Variants in MICU2 observed in about 807,000 individuals in gnomAD.
The protein encoded by MICU2 is mitochondrial calcium uptake 2.
MICU2 carries 64 observed loss-of-function variants against 60.4 expected under a neutral mutation model. The ratio of observed to expected loss-of-function variants is 1.06; its 90% CI spans 0.87 to 1.31. The LOEUF (loss-of-function observed/expected upper bound fraction) is 1.31. MICU2 is among the 50% of genes most tolerant of loss of function. The pLI, the probability that MICU2 is intolerant of heterozygous loss-of-function variation, is 0.00. For synonymous variants in MICU2, 201 were observed against 175.0 expected (o/e 1.15, Z -1.17); for missense variants, 569 against 531.0 (o/e 1.07, Z -0.70).
chr13:21,591,777 G>A (rs1888588757), intron 1 of MICU2, among the ~76,000 whole-genome samples: 1 of 151,894 alleles, frequency 6.6e-6, no homozygotes, highest in African/African-American at 2.4e-5. Context: ...ATGACTCCTG[G>A]GTAAATAAAG....
chr13:21,593,584 A>AC (rs1169793845), intron 1 of MICU2, among the ~76,000 whole-genome samples: 7 of 149,934 alleles, frequency 4.7e-5, no homozygotes, highest in East Asian at 3.9e-4. Flanking sequence ...AAAAAAAAAA[A>AC]AAAAAAAAAA....
intron 1 of MICU2, among the ~76,000 whole-genome samples, chr13:21,592,862 T>C (rs954092205): frequency 2.6e-5 from 4 of 152,210 alleles, no homozygotes; most frequent in African/African-American, 9.7e-5. Flanking sequence ...TGATGGAACA[T>C]ATCTCAAAAT....
rs750129518 is a variant in MICU2, at chr13:21,495,171, C to T, written c.1190G>A (p.Arg397Gln). ...AAAAAAATCTGTTACCCATAAACCT[C>T]GATGCATTCTGTTTTTTAACACCCC... The part of the protein sequence containing the change: ...FLGVLKNRMH[R>Q]GLWVPQHQSI... Residue 397 changes from arginine to glutamine, a missense_variant, in exon 11 of 12, where the codon CGA (arginine) becomes CAA (glutamine). Arg to Gln is a conservative substitution (Grantham distance 43). Coordinates refer to ENST00000382374, the MANE Select transcript of MICU2 (RefSeq NM_152726.3). The T allele has an allele frequency of 2.6e-5, 42 of 1,604,768 alleles. No individual in the cohort carries two copies. Among genetic ancestry groups the T allele is most frequent in the Non-Finnish European group, 3.2e-5 (38 of 1,176,712 alleles).
intron 2 of MICU2, among the ~76,000 whole-genome samples, chr13:21,552,281 G>A (rs1887590002): frequency 6.6e-6 from 1 of 152,038 alleles, no homozygotes; most frequent in Admixed American, 6.6e-5. Flanking sequence ...TGATGGGGTT[G>A]TTTTTTTCTT....
At chr13:21,575,705 G>C (rs1888209855) in intron 1 of MICU2, among the ~76,000 whole-genome samples, 2 of 112,432 alleles carry the variant, frequency 1.8e-5, no homozygotes, top group Admixed American at 1.3e-4. Context: ...ACTCCAGCCT[G>C]AGCGACAGAG....
intron 1 of MICU2, among the ~76,000 whole-genome samples, chr13:21,584,260 G>A (rs1263583926): frequency 6.6e-6 from 1 of 151,792 alleles, no homozygotes; most frequent in African/African-American, 2.4e-5. Flanking sequence ...GTGGTGGCAG[G>A]CGCCTGTAGT....
At chr13:21,549,334 G>A (rs1887495823) in intron 2 of MICU2, among the ~76,000 whole-genome samples, 1 of 152,124 alleles carries the variant, frequency 6.6e-6, no homozygotes, top group South Asian at 2.1e-4. Context: ...GTTTTACAGA[G>A]CAGGAAGATG....
chr13:21,499,367 T>A (rs1428517079), intron 9 of MICU2, among the ~76,000 whole-genome samples: 1 of 152,196 alleles, frequency 6.6e-6, no homozygotes, highest in African/African-American at 2.4e-5. Flanking sequence ...TTCTAATGGG[T>A]TGTTAGGTAA....
At chr13:21,599,911 A>C (rs1323016195) in intron 1 of MICU2, among the ~76,000 whole-genome samples, 2 of 152,256 alleles carry the variant, frequency 1.3e-5, no homozygotes, top group Admixed American at 6.5e-5. Context: ...GTACGAAAAT[A>C]TCTGAGATTT....
chr13:21,517,807 G>A (rs1020001608), intron 6 of MICU2, among the ~76,000 whole-genome samples: 36 of 150,000 alleles, frequency 2.4e-4, no homozygotes, highest in Middle Eastern at 3.5e-3. Flanking sequence ...ACACGCGCGC[G>A]CGCGCGCACA....
chr13:21,595,685 T>C (rs2798262), intron 1 of MICU2, among the ~76,000 whole-genome samples: 52,613 of 152,216 alleles, frequency 0.35, 9,507 homozygotes, highest in South Asian at 0.41. Flanking sequence ...CCACCAATGG[T>C]AGGCTCCTTC....
intron 3 of MICU2, 65 bp downstream of exon 3, chr13:21,539,592 C>T (rs1887231246): frequency 6.2e-7 from 1 of 1,604,940 alleles, no homozygotes. Context: ...GCCACCGTGC[C>T]CGGCCAAAAG....
In MICU2 at chr13:21,604,170, C is replaced by G. The variant is rs1249274973; in HGVS notation, c.-22G>C. On this transcript the variant is annotated 5_prime_UTR_variant, in exon 1 of 12. Transcript: ENST00000382374. Reference sequence around the variant, plus strand: ...CCATCTTTGCGGAAGCGCAGCTAGGCGGCGCTTCTCTCCCGGCGCCGCCGC... The same window carrying G: ...CCATCTTTGCGGAAGCGCAGCTAGGGGGCGCTTCTCTCCCGGCGCCGCCGC... The G allele has an allele frequency of 3.9e-6, 6 of 1,528,716 alleles. No individual in the cohort carries two copies. The South Asian group carries it at 7.2e-5, about 18-fold the overall frequency. 94.7% of individuals were successfully genotyped at this position (1,528,716 alleles called of 1,614,324 possible).
chr13:21,494,675 A>G (rs946202499), intron 11 of MICU2, among the ~76,000 whole-genome samples: 2 of 152,162 alleles, frequency 1.3e-5, no homozygotes, highest in African/African-American at 2.4e-5. Flanking sequence ...GTAGTTAGTC[A>G]AATCCTAGGC....
Position 21,562,081 on chromosome 13 carries a change from T to G in MICU2, c.358+4716A>C, listed in dbSNP as rs549681220. Among the ~76,000 whole-genome samples the G allele has an allele frequency of 5.9e-5, 9 of 151,578 alleles. 1 individual carries two copies. The South Asian group carries it at 1.9e-3, about 32-fold the overall frequency. Reference sequence around the variant, plus strand: ...GCTGCATAGTATTCCATGGTGTATATGTGCCACATTTTCTTAATCCAGTCT... The same window carrying G: ...GCTGCATAGTATTCCATGGTGTATAGGTGCCACATTTTCTTAATCCAGTCT... On this transcript the variant is annotated intron_variant, in intron 2 of 11. Coordinates refer to ENST00000382374, the MANE Select transcript of MICU2 (RefSeq NM_152726.3).
intron 9 of MICU2, among the ~76,000 whole-genome samples, chr13:21,498,916 T>C (rs939407576): frequency 2.0e-5 from 3 of 152,232 alleles, no homozygotes; most frequent in Admixed American, 6.5e-5. Context: ...TTTTGATGTC[T>C]GCTTTTCTGA....
At chr13:21,582,331 GTCA>G (rs1353454816) in intron 1 of MICU2, among the ~76,000 whole-genome samples, 12 of 152,076 alleles carry the variant, frequency 7.9e-5, no homozygotes, top group African/African-American at 1.2e-4. Flanking sequence ...GTCTTCTCAA[GTCA>G]TCATAAGAAG....
chr13:21,525,966 ACT>A (rs1331895989), intron 4 of MICU2, among the ~76,000 whole-genome samples: 1 of 149,348 alleles, frequency 6.7e-6, no homozygotes, highest in Non-Finnish European at 1.5e-5. Flanking sequence ...ACAAGGTCTC[ACT>A]CTGTTTCCCG....
chr13:21,571,655 G>A (rs1888113123), intron 1 of MICU2, among the ~76,000 whole-genome samples: 1 of 152,242 alleles, frequency 6.6e-6, no homozygotes, highest in African/African-American at 2.4e-5. Context: ...CCAAGATCGT[G>A]CCACTGCACT....
Sources: gnomAD v4.1 joint callset for allele counts (sites outside exome capture counted in the v4.1 genomes callset) on GRCh38, gnomAD v4.1.1 for gene constraint, MANE v1.5 for transcripts, NCBI Gene and HGNC (gene_info 2026-07-23, HGNC 2026-07-21) for gene names.